Variants in RSPO2 observed in about 807,000 individuals in gnomAD.
The protein encoded by RSPO2 is R-spondin 2, also known as R-spondin-2.
RSPO2 carries 14 observed loss-of-function variants against 30.9 expected under a neutral mutation model. The observed-to-expected ratio is 0.45, with a 90% CI of 0.30 to 0.71. The LOEUF (loss-of-function observed/expected upper bound fraction) is 0.71, where lower values mean the gene tolerates loss of function less well. Among genes scored for constraint, RSPO2 ranks in the 30% least tolerant of loss-of-function variants. The pLI is 0.08. For synonymous variants in RSPO2, 107 were observed against 96.4 expected (o/e 1.11, Z -0.64); for missense variants, 264 against 301.9 (o/e 0.87, Z 0.93).
intron 2 of RSPO2, among the ~76,000 whole-genome samples, chr8:108,023,140 T>C (rs1283001530): frequency 2.0e-5 from 3 of 152,202 alleles, no homozygotes; most frequent in African/African-American, 7.2e-5. Flanking sequence ...AATGACTCAA[T>C]CAAGTTTTCA....
chr8:107,916,231 A>G (rs774903899), intron 5 of RSPO2, among the ~76,000 whole-genome samples: 1 of 152,164 alleles, frequency 6.6e-6, no homozygotes, highest in Non-Finnish European at 1.5e-5. Flanking sequence ...CATATATCAC[A>G]TTTGCTAAAT....
chr8:107,909,915 T>TG (rs1563744913), intron 5 of RSPO2, among the ~76,000 whole-genome samples: 1 of 152,168 alleles, frequency 6.6e-6, no homozygotes, highest in South Asian at 2.1e-4. Flanking sequence ...TTGAATGTTT[T>TG]GGGGGAAAAG....
chr8:108,049,118 C>A (rs201318031), intron 2 of RSPO2, among the ~76,000 whole-genome samples: 1 of 151,638 alleles, frequency 6.6e-6, no homozygotes, highest in Non-Finnish European at 1.5e-5. Flanking sequence ...AACTGGGGGA[C>A]GGATAGCATT....
intron 2 of RSPO2, among the ~76,000 whole-genome samples, chr8:108,001,748 A>AG (rs1316985963): frequency 1.3e-5 from 2 of 152,006 alleles, no homozygotes; most frequent in Non-Finnish European, 2.9e-5. Context: ...TGAATCAGTG[A>AG]GGGAAAAAAA....
At chr8:107,969,820 C>T (rs1158961378) in intron 3 of RSPO2, among the ~76,000 whole-genome samples, 2 of 152,096 alleles carry the variant, frequency 1.3e-5, no homozygotes, top group African/African-American at 2.4e-5. Context: ...ATTATTAGAA[C>T]TCTCATCTTG....
At chr8:108,056,392 G>GC (rs1250584601) in intron 2 of RSPO2, among the ~76,000 whole-genome samples, 1 of 151,950 alleles carries the variant, frequency 6.6e-6, no homozygotes, top group Non-Finnish European at 1.5e-5. Flanking sequence ...GCCAAAGCAG[G>GC]CAGATCGCTT....
At chr8:107,921,594 C>G (rs1167208580) in intron 5 of RSPO2, among the ~76,000 whole-genome samples, 1 of 152,010 alleles carries the variant, frequency 6.6e-6, no homozygotes, top group Non-Finnish European at 1.5e-5. Flanking sequence ...GGGACTGACT[C>G]CTCTCCAACT....
intron 2 of RSPO2, among the ~76,000 whole-genome samples, chr8:108,036,661 G>T (rs1586647680): frequency 1.3e-5 from 2 of 152,190 alleles, no homozygotes; most frequent in African/African-American, 4.8e-5. Context: ...GTGCTTCACA[G>T]ATATTGCAGA....
chr8:108,008,001 C>T (rs1401948127), intron 2 of RSPO2, among the ~76,000 whole-genome samples: 1 of 152,098 alleles, frequency 6.6e-6, no homozygotes, highest in African/African-American at 2.4e-5. Context: ...AAGAAAAAAA[C>T]AGAGCTAATC....
At chr8:107,908,583 T>C (rs1429240854) in intron 5 of RSPO2, among the ~76,000 whole-genome samples, 4 of 152,154 alleles carry the variant, frequency 2.6e-5, no homozygotes, top group African/African-American at 9.7e-5. Context: ...TTTAAAACAA[T>C]GTACAGGGCA....
Position 107,973,907 on chromosome 8 carries a change from C to T in RSPO2, c.284-13090G>A, listed in dbSNP as rs186544531. On this transcript the variant is annotated intron_variant, in intron 3 of 5. Transcript: ENST00000276659. ...AACTTGTGTTTTCCTTTCCTAAATG[C>T]GTCCTCAATCTTGGCAAAATAAACC... Among the ~76,000 whole-genome samples, 26 of 152,276 alleles carry T rather than the reference C, an allele frequency of 1.7e-4. No individual in the cohort carries two copies. In the South Asian group the frequency reaches 3.9e-3, roughly 23 times the overall value.
At chr8:107,979,741 A>C (rs931542943) in intron 3 of RSPO2, among the ~76,000 whole-genome samples, 1 of 151,444 alleles carries the variant, frequency 6.6e-6, no homozygotes, top group Non-Finnish European at 1.5e-5. Flanking sequence ...CTTGTGTCCA[A>C]TGAACCACCT....
At chr8:108,011,235 A>AAAAGG (rs10608726) in intron 2 of RSPO2, among the ~76,000 whole-genome samples, 40 of 151,758 alleles carry the variant, frequency 2.6e-4, no homozygotes, top group African/African-American at 7.5e-4. Flanking sequence ...AAGGGAAAGG[A>AAAAGG]AAAGGAAAGG....
At chr8:107,971,001 T>TA (rs1813979429) in intron 3 of RSPO2, among the ~76,000 whole-genome samples, 1 of 152,244 alleles carries the variant, frequency 6.6e-6, no homozygotes, top group Non-Finnish European at 1.5e-5. Flanking sequence ...GAATGCATGT[T>TA]ACCTGCTTTG....
chr8:108,065,834 TCCAGA>T (rs1656268838), intron 2 of RSPO2, among the ~76,000 whole-genome samples: 1 of 152,078 alleles, frequency 6.6e-6, no homozygotes, highest in South Asian at 2.1e-4. Flanking sequence ...GATCAGTAGT[TCCAGA>T]CCAGCCTGGC....
chr8:107,934,699 C>T (rs186745903), intron 5 of RSPO2, among the ~76,000 whole-genome samples: 107 of 152,244 alleles, frequency 7.0e-4, no homozygotes, highest in African/African-American at 2.5e-3. Flanking sequence ...AGACCCCAAA[C>T]GGAGGGACCA....
chr8:107,957,164 C>G (rs1437487988), intron 5 of RSPO2, among the ~76,000 whole-genome samples: 1 of 152,212 alleles, frequency 6.6e-6, no homozygotes, highest in Non-Finnish European at 1.5e-5. Flanking sequence ...GTTATATATT[C>G]TCTTTCTGGG....
chr8:107,900,865 C>CACTT lies in RSPO2; in HGVS notation c.*206_*209dup, dbSNP rs554921701. ...ACACTGAGCCAAGTCACGGGCTGTG[C>CACTT]ACTTACTCCTGCCTTCACAGTCTCC... is the stretch of plus-strand genomic sequence containing the variant. On this transcript the variant is annotated 3_prime_UTR_variant, in exon 6 of 6. Coordinates refer to ENST00000276659, the MANE Select transcript of RSPO2 (RefSeq NM_178565.5). The CACTT allele has an allele frequency of 1.3e-4, 63 of 497,368 alleles. No individual in the cohort carries two copies. Among genetic ancestry groups the CACTT allele is most frequent in the African/African-American group, 9.9e-4 (51 of 51,278 alleles). The allele number at this position is 497,368 out of a possible 1,614,324, so 30.8% of individuals were successfully genotyped here.
chr8:108,076,709 A>C (rs182162543), intron 2 of RSPO2, among the ~76,000 whole-genome samples: 32 of 152,286 alleles, frequency 2.1e-4, no homozygotes, highest in African/African-American at 7.7e-4. Flanking sequence ...ATATCTATCC[A>C]TATTGGCAGT....
Sources: gnomAD v4.1 joint callset for allele counts (sites outside exome capture counted in the v4.1 genomes callset) on GRCh38, gnomAD v4.1.1 for gene constraint, MANE v1.5 for transcripts, NCBI Gene and HGNC (gene_info 2026-07-23, HGNC 2026-07-21) for gene names.